Variants in TTC22 observed in about 807,000 individuals in gnomAD.
The protein encoded by TTC22 is tetratricopeptide repeat protein 22.
A neutral mutation model predicts 48.2 loss-of-function variants in TTC22; 42 were observed. The observed-to-expected ratio is 0.87, with a 90% CI of 0.68 to 1.13. The LOEUF is 1.13. Among genes scored for constraint, TTC22 ranks in the 50% most tolerant of loss-of-function variants. The pLI is 0.00. For synonymous variants in TTC22, 345 were observed against 365.5 expected, an observed-to-expected ratio of 0.94 and a Z score of 0.64; for missense variants, 784 against 807.0, an observed-to-expected ratio of 0.97 and a Z score of 0.34.
At chr1:54,798,734 A>C (rs1015064226) in intron 1 of TTC22, among the ~76,000 whole-genome samples, 47 of 152,212 alleles carry the variant, frequency 3.1e-4, no homozygotes, top group Non-Finnish European at 1.0e-4. Context: ...GTGTTCAATA[A>C]ATGTTAAAAT....
chr1:54,797,333 A>C (rs1354871700), intron 1 of TTC22, among the ~76,000 whole-genome samples: 1 of 152,204 alleles, frequency 6.6e-6, no homozygotes, highest in Non-Finnish European at 1.5e-5. Flanking sequence ...GGAGTGATCA[A>C]AGCGATCTGC....
intron 1 of TTC22, among the ~76,000 whole-genome samples, chr1:54,791,835 G>A (rs544829091): frequency 1.3e-5 from 2 of 152,210 alleles, no homozygotes; most frequent in South Asian, 2.1e-4. Flanking sequence ...ACATGATAGA[G>A]CTGGGGCTTA....
chr1:54,800,685 T>C lies in TTC22; in HGVS notation c.479A>G (p.Asp160Gly), dbSNP rs1451319016. 3.9e-6 allele frequency: 6 copies of C among 1,550,648 alleles called. No homozygotes were observed. The East Asian group carries it at 7.3e-5, about 19-fold the overall frequency. Residue 160 changes from aspartate to glycine, a missense_variant, in exon 1 of 7, where the codon GAC (aspartate) becomes GGC (glycine). Asp to Gly is a moderately conservative substitution (Grantham distance 94). Coordinates refer to ENST00000371276, the MANE Select transcript of TTC22 (RefSeq NM_001114108.2). Reference sequence around the variant, plus strand: ...CTCCTCTGGGCTGGCGCAGCCGACGTCGAAGCCATGCGCGTAGCCCTGCTC... The same window carrying C: ...CTCCTCTGGGCTGGCGCAGCCGACGCCGAAGCCATGCGCGTAGCCCTGCTC... Reference protein sequence around the residue: ...LAEQGYAHGFDVGCASPEERA... With the variant: ...LAEQGYAHGFGVGCASPEERA...
intron 1 of TTC22, among the ~76,000 whole-genome samples, chr1:54,800,162 C>G (rs1013657435): frequency 9.9e-5 from 15 of 152,134 alleles, no homozygotes; most frequent in African/African-American, 3.6e-4. Context: ...GTGTGCGGAG[C>G]CTTTGTGAAG....
At chr1:54,785,481 C>T (rs952788326) in intron 5 of TTC22, 16 of 427,322 alleles carry the variant, frequency 3.7e-5, no homozygotes, top group African/African-American at 3.3e-4. Context: ...AGAAGGGATT[C>T]CTGCAGTGAG....
chr1:54,784,648 G>A, intron 5 of TTC22: 1 of 1,118,952 alleles, frequency 8.9e-7, no homozygotes, highest in Non-Finnish European at 1.1e-6. Flanking sequence ...CCACGACAGT[G>A]AAGGAATTTC....
Position 54,791,809 on chromosome 1 carries a change from G to A in TTC22, c.568-3712C>T, listed in dbSNP as rs560673836. Among the ~76,000 whole-genome samples, 3 of 152,230 alleles carry A rather than the reference G, an allele frequency of 2.0e-5. No homozygotes were observed. In the East Asian group the frequency reaches 5.8e-4, roughly 29 times the overall value. ...TTCAAGTGGCAAGAAGTTAAATTAT[G>A]TGTCCAAACCACAGTACATGATAGA... On this transcript the variant is annotated intron_variant, in intron 1 of 6. Transcript: ENST00000371276.
chr1:54,795,688 C>A (rs138478911), intron 1 of TTC22, among the ~76,000 whole-genome samples: 1 of 152,232 alleles, frequency 6.6e-6, no homozygotes, highest in Non-Finnish European at 1.5e-5. Flanking sequence ...CATACATCAT[C>A]TTTTCTCCTG....
At chr1:54,795,144 A>C (rs578188553) in intron 1 of TTC22, among the ~76,000 whole-genome samples, 8 of 152,124 alleles carry the variant, frequency 5.3e-5, no homozygotes, top group Non-Finnish European at 5.9e-5. Flanking sequence ...ATGAGATTGG[A>C]ATCCCACCCC....
intron 1 of TTC22, among the ~76,000 whole-genome samples, chr1:54,798,407 T>C (rs1489920358): frequency 6.6e-6 from 1 of 152,254 alleles, no homozygotes; most frequent in East Asian, 1.9e-4. Context: ...TCCAGGTCAC[T>C]GTTGATACCA....
intron 6 of TTC22, 110 bp from the exon 7 acceptor site, chr1:54,781,889 C>G: frequency 1.0e-6 from 1 of 973,688 alleles, no homozygotes; most frequent in Non-Finnish European, 1.4e-6. Flanking sequence ...CATTCCCACC[C>G]TCTCTCCATC....
intron 1 of TTC22, among the ~76,000 whole-genome samples, chr1:54,795,597 T>A (rs1355183310): frequency 2.0e-5 from 3 of 152,144 alleles, no homozygotes; most frequent in Non-Finnish European, 4.4e-5. Context: ...TCTGCAGAAG[T>A]CTCTTACCCT....
At position 54,779,796 on chromosome 1, in the gene TTC22, G is replaced by A. The variant is rs1240353336; in HGVS notation, c.*1447C>T. 1 of 152,200 alleles carries A rather than the reference G, an allele frequency of 6.6e-6. No homozygotes were observed. The highest frequency in any genetic ancestry group is 1.5e-5 in the Non-Finnish European group (1 of 68,032). 9.4% of individuals were successfully genotyped at this position (152,200 alleles called of 1,614,324 possible). A position where few individuals can be genotyped will look rare whatever the true frequency, so the allele number is the denominator to read the frequency against. On this transcript the variant is annotated 3_prime_UTR_variant, in exon 7 of 7. Coordinates refer to ENST00000371276, the MANE Select transcript of TTC22 (RefSeq NM_001114108.2). ...GTACAGTGTGGGGAAAACAGTAAGT[G>A]TGGCTTTGGGCAAGCCACTTCCCTT...
chr1:54,783,321 A>G (rs886625855), intron 5 of TTC22, among the ~76,000 whole-genome samples: 1 of 152,202 alleles, frequency 6.6e-6, no homozygotes, highest in Non-Finnish European at 1.5e-5. Flanking sequence ...CCTAGCTATT[A>G]GCCATGTCAT....
At position 54,801,015 on chromosome 1, in the gene TTC22, C is replaced by T. The variant is rs1004599203; in HGVS notation, c.149G>A (p.Arg50Gln). The T allele has an allele frequency of 2.5e-6, 4 of 1,610,396 alleles. No individual in the cohort carries two copies. In the African/African-American group the frequency reaches 4.0e-5, roughly 16 times the overall value. The part of the protein sequence containing the change: ...PQRARDLKLQ[R>Q]EGLRQELQLA... ...CTGGAGCTCCTGCCGCAGACCCTCC[C>T]GCTGCAGCTTCAGGTCCCGGGCGCG... The change falls in exon 1 of 7, where the codon CGG becomes CAG. Residue 50 changes from arginine to glutamine, a missense_variant. By Grantham distance (43) the Arg-to-Gln change is conservative (BLOSUM62 1). Coordinates refer to ENST00000371276, the MANE Select transcript of TTC22 (RefSeq NM_001114108.2).
At chr1:54,786,337 C>A (rs372022177) in intron 4 of TTC22, 193 bp from the exon 5 acceptor site, 104 of 541,454 alleles carry the variant, frequency 1.9e-4, no homozygotes, top group African/African-American at 1.8e-3. Flanking sequence ...GGGGCACAAC[C>A]TATTGGCACT....
At position 54,786,109 on chromosome 1, in the gene TTC22, C is replaced by T. The variant is rs774090422; in HGVS notation, c.894G>A (p.Leu298=). The T allele has an allele frequency of 1.7e-5, 28 of 1,614,016 alleles. No individual in the cohort carries two copies. Among genetic ancestry groups the T allele is most frequent in the Non-Finnish European group, 2.1e-5 (25 of 1,180,022 alleles). ...AGTAGAAGATTTTTGCCAGGCGATT[C>T]AGGATGGGAGGTTGGTTCTTGGCAA... ...IEIAKNQPPI[L]NRLAKIFYFL... Residue 298 remains leucine, a synonymous_variant, in exon 5 of 7, where the codon CTG becomes CTA. Coordinates refer to ENST00000371276, the MANE Select transcript of TTC22 (RefSeq NM_001114108.2).
At chr1:54,787,585 G>C in intron 3 of TTC22, 126 bp downstream of exon 3, 1 of 721,128 alleles carries the variant, frequency 1.4e-6, no homozygotes. Context: ...ATGAGTGTAG[G>C]GGACAGAGCG....
Position 54,787,756 on chromosome 1 carries a change from C to T in TTC22, c.694G>A (p.Ala232Thr), listed in dbSNP as rs1389860349. Residue 232 changes from alanine to threonine, a missense_variant, in exon 3 of 7, where the codon GCC becomes ACC. Physicochemically the swap from Ala to Thr is moderately conservative, Grantham distance 58. Coordinates refer to ENST00000371276, the MANE Select transcript of TTC22 (RefSeq NM_001114108.2). ...KRLPAFNRTLALLRQVLKSED... is the reference protein window; with the variant it reads ...KRLPAFNRTLTLLRQVLKSED... ...GACTTCAGCACTTGCCGGAGTAGGG[C>T]CAGCGTGCGGTTGAAGGCAGGCAGT... is the stretch of plus-strand genomic sequence containing the variant. The T allele has an allele frequency of 1.2e-6, 2 of 1,613,568 alleles. No individual in the cohort carries two copies. The highest frequency in any genetic ancestry group is 2.2e-5 in the South Asian group (2 of 90,956).
Sources: allele counts gnomAD v4.1 joint callset (sites outside exome capture counted in the v4.1 genomes callset), GRCh38; gene constraint gnomAD v4.1.1; transcripts MANE v1.5; gene names NCBI Gene and HGNC (gene_info 2026-07-23, HGNC 2026-07-21).